The following SYNE1 variants were observed in gnomAD, a reference collection of about 807,000 sequenced individuals.
SYNE1 encodes nesprin-1.
A neutral mutation model predicts 1,111.0 loss-of-function variants in SYNE1; 616 were observed. That is an observed-to-expected ratio of 0.55 (90% CI 0.52 to 0.59). SYNE1 has a LOEUF of 0.59. SYNE1 is among the 20% of genes least tolerant of loss of function. The pLI is 0.00. For synonymous variants in SYNE1, 3,855 were observed against 3,825.8 expected, an observed-to-expected ratio of 1.01 and a Z score of -0.28; for missense variants, 10,006 against 10,417.0, an observed-to-expected ratio of 0.96 and a Z score of 1.72.
At chr6:152,153,298 T>C (rs567280199) in intron 133 of SYNE1, among the ~76,000 whole-genome samples, 2 of 152,290 alleles carry the variant, frequency 1.3e-5, no homozygotes, top group South Asian at 4.1e-4. Context: ...CCAGTACATG[T>C]TTGCCCACTG....
At chr6:152,210,447 T>A (rs1210889487) in intron 124 of SYNE1, among the ~76,000 whole-genome samples, 2 of 152,184 alleles carry the variant, frequency 1.3e-5, no homozygotes, top group Non-Finnish European at 2.9e-5. Flanking sequence ...TCAGGAAAGC[T>A]CCCATTTAAG....
At position 152,246,342 on chromosome 6, in the gene SYNE1, C is replaced by CA. The variant is rs200806841; in HGVS notation, c.19573-1687dup. On this transcript the variant is annotated intron_variant, in intron 105 of 145. Transcript: ENST00000367255. ...ACAGGAAAAGTAGAACTTTAAACAA[C>CA]AAAAAAAAAACCATTAATATACCCA... Among the ~76,000 whole-genome samples, 1,165 of 143,922 alleles carry CA rather than the reference C, an allele frequency of 8.1e-3. 6 individuals are homozygous for CA. Among genetic ancestry groups the CA allele is most frequent in the East Asian group, 0.037 (183 of 4,972 alleles). 94.4% of individuals were successfully genotyped at this position (143,922 alleles called of 152,430 possible).
At chr6:152,530,594 T>C (rs1416853120) in intron 4 of SYNE1, among the ~76,000 whole-genome samples, 3 of 151,870 alleles carry the variant, frequency 2.0e-5, no homozygotes, top group African/African-American at 7.3e-5. Flanking sequence ...AAGTTTTAAA[T>C]TGCACACTGT....
Position 152,603,968 on chromosome 6 carries a change from G to A in SYNE1, c.67+24297C>T, listed in dbSNP as rs543565928. On this transcript the variant is annotated intron_variant, in intron 3 of 145. Transcript: ENST00000367255. ...ATACTTTCTATATAGATATAAATATGTATATCTCTATATCTGTATCTATAT... is the reference window on the plus strand; with the variant it reads ...ATACTTTCTATATAGATATAAATATATATATCTCTATATCTGTATCTATAT... Among the ~76,000 whole-genome samples, 17 of 136,462 alleles carry A rather than the reference G, an allele frequency of 1.2e-4. No homozygotes were observed. In the South Asian group the frequency reaches 3.9e-3, roughly 32 times the overall value. The allele number at this position is 136,462 out of a possible 152,430, so 89.5% of individuals were successfully genotyped here.
Position 152,462,908 on chromosome 6 carries a change from G to A in SYNE1, c.2098-18C>T. On this transcript the variant is annotated intron_variant, in intron 19 of 145. Coordinates refer to ENST00000367255, the MANE Select transcript of SYNE1 (RefSeq NM_182961.4). ...TGAGCATACTGTTAAGGAAAGGGAG[G>A]AGGGAACATCGTGAAAGCCATTTAG... The A allele has an allele frequency of 2.5e-6, 4 of 1,613,670 alleles. No homozygotes were observed. Among genetic ancestry groups the A allele is most frequent in the South Asian group, 2.2e-5 (2 of 91,072 alleles).
intron 3 of SYNE1, among the ~76,000 whole-genome samples, chr6:152,603,758 T>C (rs1453242040): frequency 6.8e-6 from 1 of 146,038 alleles, no homozygotes; most frequent in Non-Finnish European, 1.5e-5. Flanking sequence ...AGCCCAGGAA[T>C]TCAAGGGTTA....
At chr6:152,392,630 A>G (rs6922428) in intron 51 of SYNE1, among the ~76,000 whole-genome samples, 3,426 of 152,284 alleles carry the variant, frequency 0.022, 50 homozygotes, top group Non-Finnish European at 0.035. Flanking sequence ...TAAGAGTTAT[A>G]CAACAAGACA....
intron 142 of SYNE1, 86 bp from the exon 143 acceptor site, chr6:152,133,574 CT>C: frequency 7.5e-7 from 1 of 1,332,194 alleles, no homozygotes; most frequent in Non-Finnish European, 1.1e-6. Flanking sequence ...ATCAACTTAA[CT>C]TGGTGGGAAA....
At chr6:152,456,962 T>C (rs2098700651) in intron 22 of SYNE1, among the ~76,000 whole-genome samples, 1 of 152,160 alleles carries the variant, frequency 6.6e-6, no homozygotes, top group South Asian at 2.1e-4. Flanking sequence ...AAGGGTAATA[T>C]AAGTCCAAAA....
intron 129 of SYNE1, among the ~76,000 whole-genome samples, chr6:152,178,490 T>C (rs1053088653): frequency 6.6e-6 from 1 of 152,210 alleles, no homozygotes; most frequent in African/African-American, 2.4e-5. Flanking sequence ...ATAAGCAAAT[T>C]GGATACATAA....
rs779211394 is a variant in SYNE1, at chr6:152,136,590, GT to G, written c.25659+27del. On this transcript the variant is annotated intron_variant, in intron 141 of 145. Coordinates refer to ENST00000367255, the MANE Select transcript of SYNE1 (RefSeq NM_182961.4). ...CTAAATTGCTAATGTCTCTCTCTGAGTCACCTCCTGCCCAAAGCTCTACAGA... is the reference window on the plus strand; with the variant it reads ...CTAAATTGCTAATGTCTCTCTCTGAGCACCTCCTGCCCAAAGCTCTACAGA... The G allele has an allele frequency of 3.7e-6, 6 of 1,611,370 alleles. No homozygotes were observed. In the East Asian group the frequency reaches 1.3e-4, roughly 36 times the overall value.
At chr6:152,505,680 T>C (rs967674148) in intron 8 of SYNE1, among the ~76,000 whole-genome samples, 2 of 152,240 alleles carry the variant, frequency 1.3e-5, no homozygotes. Flanking sequence ...CTCAATCCCC[T>C]ACAGTCCTCC....
At chr6:152,181,431 C>A (rs1258018793) in intron 128 of SYNE1, among the ~76,000 whole-genome samples, 1 of 152,046 alleles carries the variant, frequency 6.6e-6, no homozygotes, top group Non-Finnish European at 1.5e-5. Flanking sequence ...TGACCACCAC[C>A]ACAACAATGA....
intron 138 of SYNE1, among the ~76,000 whole-genome samples, chr6:152,142,066 C>A (rs1299269674): frequency 1.3e-5 from 2 of 151,860 alleles, no homozygotes; most frequent in South Asian, 2.1e-4. Flanking sequence ...GAGTGTGAGA[C>A]CCTGTCTCTT....
At chr6:152,420,000 A>G (rs963792233) in intron 39 of SYNE1, among the ~76,000 whole-genome samples, 7 of 152,166 alleles carry the variant, frequency 4.6e-5, no homozygotes, top group Non-Finnish European at 8.8e-5. Flanking sequence ...CCCTCTCAGC[A>G]TAACATATGT....
chr6:152,138,786 C>G (rs957868521), intron 140 of SYNE1, among the ~76,000 whole-genome samples: 15 of 152,076 alleles, frequency 9.9e-5, no homozygotes, highest in African/African-American at 2.7e-4. Flanking sequence ...GCTCTCAGTT[C>G]ATGAGATGCT....
Position 152,317,234 on chromosome 6 carries a change from CTTTTTTT to C in SYNE1, c.16573-255_16573-249del, listed in dbSNP as rs61399339. Among the ~76,000 whole-genome samples, 36 of 135,908 alleles carry C rather than the reference CTTTTTTT, an allele frequency of 2.6e-4. 1 individual carries two copies. Among genetic ancestry groups the C allele is most frequent in the Admixed American group, 1.3e-3 (18 of 13,478 alleles). 89.2% of individuals were successfully genotyped at this position (135,908 alleles called of 152,430 possible). On this transcript the variant is annotated intron_variant, in intron 86 of 145. Coordinates refer to ENST00000367255, the MANE Select transcript of SYNE1 (RefSeq NM_182961.4). The stretch of plus-strand genomic sequence containing the variant: ...TCTTTTTCTTTCTTTTTTCTTTTTT[CTTTTTTT>C]TTTTTTTCCAAGGTCTTACTGTCAC...
At chr6:152,389,426 T>A (rs1487325149) in intron 53 of SYNE1, among the ~76,000 whole-genome samples, 2 of 152,158 alleles carry the variant, frequency 1.3e-5, no homozygotes, top group Non-Finnish European at 2.9e-5. Flanking sequence ...CTTCTATTCA[T>A]CTATTTTGTT....
intron 3 of SYNE1, among the ~76,000 whole-genome samples, chr6:152,577,379 T>C (rs1374335343): frequency 1.3e-5 from 2 of 152,116 alleles, no homozygotes; most frequent in Non-Finnish European, 2.9e-5. Context: ...GCACCTGTAA[T>C]CCCAGCACTT....
Sources: allele counts gnomAD v4.1 joint callset (sites outside exome capture counted in the v4.1 genomes callset), GRCh38; gene constraint gnomAD v4.1.1; transcripts MANE v1.5; gene names NCBI Gene and HGNC (gene_info 2026-07-23, HGNC 2026-07-21).